The following CRB1 variants were observed in gnomAD, a reference collection of about 807,000 sequenced individuals.
The protein encoded by CRB1 is protein crumbs homolog 1.
Under a neutral mutation model 120.0 loss-of-function variants are expected in CRB1, and 83 were observed. The ratio of observed to expected loss-of-function variants is 0.69; its 90% confidence interval spans 0.58 to 0.83. The LOEUF (loss-of-function observed/expected upper bound fraction) is 0.83, where lower values mean the gene tolerates loss of function less well. CRB1 is among the 40% of genes least tolerant of loss of function. The pLI is 0.00. For synonymous variants in CRB1, 625 were observed against 612.5 expected, an observed-to-expected ratio of 1.02 and a Z score of -0.30; for missense variants, 1,699 against 1,687.6, an observed-to-expected ratio of 1.01 and a Z score of -0.12.
chr1:197,311,717 G>GTGTGTA (rs1553246881), intron 1 of CRB1, among the ~76,000 whole-genome samples: 115 of 151,038 alleles, frequency 7.6e-4, no homozygotes, highest in African/African-American at 2.7e-3. Flanking sequence ...GTGTGTGTGT[G>GTGTGTA]TGTGTGTGTG....
At chr1:197,221,431 G>GTAT in the CRB1 span, among the ~76,000 whole-genome samples, 1 of 152,208 alleles carries the variant, frequency 6.6e-6, no homozygotes, top group Non-Finnish European at 1.5e-5. Context: ...CATTCTGTTA[G>GTAT]TATTAGCTTT....
At chr1:197,281,037 C>A (rs1317008199) in intron 1 of CRB1, among the ~76,000 whole-genome samples, 1 of 151,790 alleles carries the variant, frequency 6.6e-6, no homozygotes, top group East Asian at 1.9e-4. Flanking sequence ...ACCAAAAAAT[C>A]AATTTAAAAA....
At chr1:197,263,445 G>C (rs566280001), upstream of CRB1, among the ~76,000 whole-genome samples, 1 of 152,060 alleles carries the variant, frequency 6.6e-6, no homozygotes, top group Non-Finnish European at 1.5e-5. Context: ...TGGATGCATA[G>C]TTTGCAAAAA....
the CRB1 span, among the ~76,000 whole-genome samples, chr1:197,261,271 AGAGAAACTCTT>A: frequency 1.3e-5 from 2 of 152,246 alleles, no homozygotes; most frequent in African/African-American, 4.8e-5. Flanking sequence ...CATTTACCCT[AGAGAAACTCTT>A]GTGCATTTGA....
At chr1:197,353,176 G>T (rs963656996) in intron 4 of CRB1, among the ~76,000 whole-genome samples, 2 of 152,146 alleles carry the variant, frequency 1.3e-5, no homozygotes, top group East Asian at 1.9e-4. Context: ...ATTTATATCT[G>T]CCCATGATGG....
At position 197,348,547 on chromosome 1, in the gene CRB1, G is replaced by A. The variant is rs979708212; in HGVS notation, c.988+1068G>A. On this transcript the variant is annotated intron_variant, in intron 4 of 11. Transcript: ENST00000367400. The stretch of plus-strand genomic sequence containing the variant: ...GCTGGAATGCAGTGGTGTGATCTCC[G>A]CTCACTATAAGCTCCGCCTCCCGGG... Among the ~76,000 whole-genome samples, 12 of 152,036 alleles carry A rather than the reference G, an allele frequency of 7.9e-5. No individual in the cohort carries two copies. In the South Asian group the frequency reaches 1.0e-3, roughly 13 times the overall value.
chr1:197,316,418 C>T (rs1019409655), intron 1 of CRB1, among the ~76,000 whole-genome samples: 17 of 151,908 alleles, frequency 1.1e-4, no homozygotes, highest in Middle Eastern at 6.8e-3. Flanking sequence ...CTCCTGACCT[C>T]GTGATCCGCC....
At position 197,439,068 on chromosome 1, in the gene CRB1, A is replaced by G. The variant is rs1665304430; in HGVS notation, c.3878+393A>G. ...AGAATTGCCTACAACCCAAAAGTAT[A>G]TATACCTTATCCATATGAGTCTACT... On this transcript the variant is annotated intron_variant, in intron 10 of 11. Transcript: ENST00000367400. The G allele has an allele frequency of 2.1e-5, 5 of 233,362 alleles. No individual in the cohort carries two copies. The South Asian group carries it at 3.0e-4, about 14-fold the overall frequency. The allele number at this position is 233,362 out of a possible 1,614,324, so 14.5% of individuals were successfully genotyped here.
At chr1:197,376,124 C>T (rs1181767790) in intron 5 of CRB1, among the ~76,000 whole-genome samples, 1 of 152,080 alleles carries the variant, frequency 6.6e-6, no homozygotes, top group African/African-American at 2.4e-5. Flanking sequence ...CTAGCATATC[C>T]TCTATTTTCT....
chr1:197,266,848 T>C (rs1313515449), upstream of CRB1, among the ~76,000 whole-genome samples: 2 of 152,162 alleles, frequency 1.3e-5, no homozygotes, highest in Non-Finnish European at 2.9e-5. Context: ...TTCATTTTTT[T>C]TTCCAGTCTA....
At chr1:197,426,684 C>T (rs114153732) in intron 6 of CRB1, among the ~76,000 whole-genome samples, 2,322 of 152,160 alleles carry the variant, frequency 0.015, 70 homozygotes, top group African/African-American at 0.054. Flanking sequence ...CAGCTTTGCC[C>T]CAAGTTCTCT....
At chr1:197,415,885 G>A (rs934298682) in intron 5 of CRB1, among the ~76,000 whole-genome samples, 6 of 151,904 alleles carry the variant, frequency 3.9e-5, no homozygotes, top group Admixed American at 6.6e-5. Flanking sequence ...CTCGTGATCC[G>A]CCCACCTCGG....
chr1:197,257,309 C>T, the CRB1 span, among the ~76,000 whole-genome samples: 11 of 152,074 alleles, frequency 7.2e-5, no homozygotes, highest in Non-Finnish European at 2.9e-5. Flanking sequence ...TTGGAGAGGG[C>T]AGATCTTCTT....
the CRB1 span, among the ~76,000 whole-genome samples, chr1:197,247,769 C>T: frequency 6.6e-6 from 1 of 152,022 alleles, no homozygotes; most frequent in South Asian, 2.1e-4. Context: ...AGCATCTTAT[C>T]TGAATCAGTT....
At chr1:197,238,633 G>A in the CRB1 span, among the ~76,000 whole-genome samples, 3 of 152,166 alleles carry the variant, frequency 2.0e-5, no homozygotes, top group East Asian at 5.8e-4. Flanking sequence ...CTCACTTGAC[G>A]TCAGGAGTTT....
At chr1:197,373,623 A>T (rs965698789) in intron 5 of CRB1, among the ~76,000 whole-genome samples, 1 of 152,206 alleles carries the variant, frequency 6.6e-6, no homozygotes, top group African/African-American at 2.4e-5. Flanking sequence ...AACAGCCTTA[A>T]TAAACTGTTT....
At chr1:197,467,734 C>T (rs1666810807) in intron 11 of CRB1, among the ~76,000 whole-genome samples, 1 of 152,118 alleles carries the variant, frequency 6.6e-6, no homozygotes, top group Non-Finnish European at 1.5e-5. Context: ...GAAGAAACTC[C>T]AATCTTTTTC....
chr1:197,364,087 C>A, intron 5 of CRB1: 1 of 1,225,018 alleles, frequency 8.2e-7, no homozygotes, highest in Non-Finnish European at 1.2e-6. Context: ...CTGAGGCGGG[C>A]AGATCCGTGG....
rs139093677 is a variant in CRB1 at position 197,416,866 on chromosome 1, C to T, written c.1172-4134C>T. 3.4e-3 allele frequency among the ~76,000 whole-genome samples: 518 copies of T among 152,212 alleles called. 5 individuals are homozygous for T. Among genetic ancestry groups the T allele is most frequent in the African/African-American group, 0.012 (486 of 41,526 alleles). The stretch of plus-strand genomic sequence containing the variant: ...CTGGGATTACAGGCACACGCCACCA[C>T]GCCTGGCTAATTTTTGTATCTTTAG... On this transcript the variant is annotated intron_variant, in intron 5 of 11. Transcript: ENST00000367400.
Sources: allele counts gnomAD v4.1 joint callset (sites outside exome capture counted in the v4.1 genomes callset), GRCh38; gene constraint gnomAD v4.1.1; transcripts MANE v1.5; gene names NCBI Gene and HGNC (gene_info 2026-07-23, HGNC 2026-07-21).